Variants in GLCCI1 observed in about 807,000 individuals in gnomAD.
The protein encoded by GLCCI1 is glucocorticoid-induced transcript 1 protein.
GLCCI1 carries 24 observed loss-of-function variants against 52.2 expected under a neutral mutation model. The ratio of observed to expected loss-of-function variants is 0.46; its 90% CI spans 0.33 to 0.65. The LOEUF (loss-of-function observed/expected upper bound fraction) is 0.65, where lower values mean the gene tolerates loss of function less well. Ranked by LOEUF, GLCCI1 falls within the 30% of genes least tolerant of loss-of-function variation. GLCCI1 has a pLI of 0.02. For synonymous variants in GLCCI1, 310 were observed against 276.5 expected, an observed-to-expected ratio of 1.12 and a Z score of -1.20; for missense variants, 704 against 701.5, an observed-to-expected ratio of 1.00 and a Z score of -0.04.
intron 3 of GLCCI1, among the ~76,000 whole-genome samples, chr7:8,035,439 C>G (rs1038870438): frequency 3.9e-5 from 6 of 152,194 alleles, no homozygotes; most frequent in South Asian, 4.1e-4. Flanking sequence ...GAGGTTGGTA[C>G]AGGCGTATCA....
chr7:8,033,476 G>T (rs767285237), intron 3 of GLCCI1, among the ~76,000 whole-genome samples: 10 of 151,912 alleles, frequency 6.6e-5, no homozygotes, highest in African/African-American at 9.7e-5. Flanking sequence ...TTTATTCACC[G>T]AAGACATAAT....
intron 3 of GLCCI1, among the ~76,000 whole-genome samples, chr7:8,045,269 A>G (rs1782094886): frequency 1.3e-5 from 2 of 152,112 alleles, no homozygotes; most frequent in Admixed American, 1.3e-4. Flanking sequence ...ATTCCTTCAC[A>G]AGGCACACTT....
chr7:8,044,865 A>G (rs1200106564), intron 3 of GLCCI1, among the ~76,000 whole-genome samples: 3 of 152,222 alleles, frequency 2.0e-5, no homozygotes, highest in South Asian at 4.1e-4. Flanking sequence ...AAAAATCTCA[A>G]CAGACCATAG....
intron 3 of GLCCI1, among the ~76,000 whole-genome samples, chr7:8,030,602 C>T (rs1237768619): frequency 6.6e-6 from 1 of 152,080 alleles, no homozygotes; most frequent in Non-Finnish European, 1.5e-5. Context: ...AGACATCCCA[C>T]AGAATGGGAG....
Position 7,991,261 on chromosome 7 carries a change from T to C in GLCCI1, c.458-12647T>C, listed in dbSNP as rs181906241. ...AGTGTGTGAATCTTTTGTTTATAAA[T>C]TGTATGTTAAAATATATTTGGATTA... is the stretch of plus-strand genomic sequence containing the variant. On this transcript the variant is annotated intron_variant, in intron 1 of 7. Transcript: ENST00000223145. 9.2e-5 allele frequency among the ~76,000 whole-genome samples: 14 copies of C among 152,230 alleles called. No individual in the cohort carries two copies. The East Asian group carries it at 2.7e-3, about 29-fold the overall frequency.
At chr7:7,989,256 GGAGCC>G (rs151231850) in intron 1 of GLCCI1, among the ~76,000 whole-genome samples, 5,565 of 152,162 alleles carry the variant, frequency 0.037, 138 homozygotes, top group Non-Finnish European at 0.057. Context: ...TGATGCTATT[GGAGCC>G]ACCTTGAAAA....
At chr7:8,015,351 C>T (rs764999084) in intron 2 of GLCCI1, among the ~76,000 whole-genome samples, 10 of 152,190 alleles carry the variant, frequency 6.6e-5, no homozygotes, top group Non-Finnish European at 1.5e-4. Context: ...GTCTGAGTTT[C>T]CTGTGCCCTT....
intron 2 of GLCCI1, among the ~76,000 whole-genome samples, chr7:8,022,072 T>C (rs956081834): frequency 6.6e-6 from 1 of 152,240 alleles, no homozygotes; most frequent in Non-Finnish European, 1.5e-5. Flanking sequence ...ATATTTGAAA[T>C]GTAGGTCATT....
At chr7:7,983,836 T>C (rs1281215568) in intron 1 of GLCCI1, among the ~76,000 whole-genome samples, 1 of 152,204 alleles carries the variant, frequency 6.6e-6, no homozygotes. Context: ...AGGCCTGTTA[T>C]TCAGTGGTAG....
chr7:7,978,068 C>A (rs1459365732), intron 1 of GLCCI1, among the ~76,000 whole-genome samples: 1 of 152,198 alleles, frequency 6.6e-6, no homozygotes. Flanking sequence ...CGCTAGGGTG[C>A]ATGGAACTTA....
intron 6 of GLCCI1, among the ~76,000 whole-genome samples, chr7:8,074,842 T>G (rs1782841742): frequency 6.6e-6 from 1 of 152,162 alleles, no homozygotes; most frequent in Non-Finnish European, 1.5e-5. Context: ...TGAAGTCAAC[T>G]AGGATTGATT....
chr7:8,002,253 A>G (rs1181664810), intron 1 of GLCCI1, among the ~76,000 whole-genome samples: 5 of 147,612 alleles, frequency 3.4e-5, no homozygotes, highest in African/African-American at 1.3e-4. Flanking sequence ...GATAAAACTG[A>G]TAATTATTCC....
At chr7:8,068,688 A>G (rs982092718) in intron 5 of GLCCI1, among the ~76,000 whole-genome samples, 3 of 152,192 alleles carry the variant, frequency 2.0e-5, no homozygotes, top group African/African-American at 4.8e-5. Flanking sequence ...TAATGTGGTC[A>G]GTGGGAGGAA....
At chr7:8,052,209 G>A (rs760126266) in intron 3 of GLCCI1, among the ~76,000 whole-genome samples, 1 of 152,126 alleles carries the variant, frequency 6.6e-6, no homozygotes, top group African/African-American at 2.4e-5. Context: ...GTAGAGCTTG[G>A]TCTAGCCTGG....
chr7:8,054,820 C>G (rs1212000056), intron 3 of GLCCI1, among the ~76,000 whole-genome samples: 3 of 151,992 alleles, frequency 2.0e-5, no homozygotes, highest in Admixed American at 2.0e-4. Context: ...AATGACTTTT[C>G]TGTGAAACGA....
chr7:8,005,551 A>T (rs1781132027), intron 2 of GLCCI1, among the ~76,000 whole-genome samples: 1 of 152,222 alleles, frequency 6.6e-6, no homozygotes, highest in Non-Finnish European at 1.5e-5. Context: ...GCATAGAGCT[A>T]GAAAGTGTTG....
chr7:8,036,694 A>T (rs542375183), intron 3 of GLCCI1, among the ~76,000 whole-genome samples: 1 of 152,224 alleles, frequency 6.6e-6, no homozygotes, highest in South Asian at 2.1e-4. Flanking sequence ...GTTTATTAGG[A>T]GATACTTTTT....
intron 1 of GLCCI1, among the ~76,000 whole-genome samples, chr7:7,995,415 C>G (rs529381829): frequency 3.9e-5 from 6 of 152,230 alleles, no homozygotes; most frequent in African/African-American, 1.4e-4. Context: ...GAAGCTAAGG[C>G]AGGAGGATCA....
intron 1 of GLCCI1, among the ~76,000 whole-genome samples, chr7:7,976,490 AAAAAAAAAGGAAAG>A (rs1780472732): frequency 6.9e-6 from 1 of 145,822 alleles, no homozygotes; most frequent in Non-Finnish European, 1.5e-5. Context: ...AAAAAAAAAA[AAAAAAAAAGGAAAG>A]GAAAAAGGAA....
Sources: allele counts gnomAD v4.1 joint callset (sites outside exome capture counted in the v4.1 genomes callset), GRCh38; gene constraint gnomAD v4.1.1; transcripts MANE v1.5; gene names NCBI Gene and HGNC (gene_info 2026-07-23, HGNC 2026-07-21).